TTLL10: variants seen among roughly 807,000 people sequenced by gnomAD.
TTLL10 encodes tubulin tyrosine ligase like 10.
A neutral mutation model predicts 69.0 loss-of-function variants in TTLL10; 61 were observed. The observed-to-expected ratio is 0.88, with a 90% CI of 0.72 to 1.09. The LOEUF is 1.09. Ranked by LOEUF, TTLL10 falls within the 50% of genes least tolerant of loss-of-function variation. The probability of loss-of-function intolerance (pLI) is 0.00; values close to 1 mark genes in which losing one functional copy is unlikely to be tolerated. For synonymous variants in TTLL10, 408 were observed against 393.3 expected (o/e 1.04, Z -0.44); for missense variants, 962 against 945.9 (o/e 1.02, Z -0.22).
At position 1,185,503 on chromosome 1, in the gene TTLL10, G is replaced by A. The variant is rs1401852215; in HGVS notation, c.1401+394G>A. The A allele has an allele frequency of 1.4e-5, 15 of 1,064,220 alleles. No homozygotes were observed. Among genetic ancestry groups the A allele is most frequent in the Middle Eastern group, 4.3e-4 (1 of 2,314 alleles). The allele number at this position is 1,064,220 out of a possible 1,614,324, so 65.9% of individuals were successfully genotyped here. On this transcript the variant is annotated intron_variant, in intron 13 of 15. Coordinates refer to ENST00000379289, the MANE Select transcript of TTLL10 (RefSeq NM_001130045.2). The surrounding 1 kb of genome is among the most constrained non-coding windows in gnomAD (Gnocchi z 6.1). Reference sequence around the variant, plus strand: ...TGTCCTGGAGCAGCAGCAGCTGCCCGTGCAGGCCCGGACTCTCCCTAGCTA... The same window carrying A: ...TGTCCTGGAGCAGCAGCAGCTGCCCATGCAGGCCCGGACTCTCCCTAGCTA...
At chr1:1,176,635 A>C (rs1420306457) in intron 3 of TTLL10, among the ~76,000 whole-genome samples, 1 of 152,090 alleles carries the variant, frequency 6.6e-6, no homozygotes, top group Non-Finnish European at 1.5e-5. Flanking sequence ...GGAAGGCTGG[A>C]GGGCTGCTAG....
Position 1,179,308 on chromosome 1 carries a change from G to A in TTLL10, c.93G>A (p.Gln31=). Residue 31 remains glutamine, a synonymous_variant, in exon 4 of 16, where the codon CAG becomes CAA. Coordinates refer to ENST00000379289, the MANE Select transcript of TTLL10 (RefSeq NM_001130045.2). ...GFKRGKRPRI[Q]QRPRARVSGT... ...AGAGGGGCAAGAGGCCAAGGATCCA[G>A]CAGAGGCCTCGGGCTCGAGTCTCAG... 1.3e-6 allele frequency: 2 copies of A among 1,551,254 alleles called. No individual in the cohort carries two copies. The highest frequency in any genetic ancestry group is 1.7e-6 in the Non-Finnish European group (2 of 1,146,856).
rs2100926482 is a variant in TTLL10 at position 1,196,639 on chromosome 1, GC to G, written c.1443del (p.Lys482SerfsTer19). 1 of 1,551,820 alleles carries G rather than the reference GC, an allele frequency of 6.4e-7. No homozygotes were observed. Among genetic ancestry groups the G allele is most frequent in the African/African-American group, 1.4e-5 (1 of 73,156 alleles). On this transcript the variant is annotated frameshift_variant, in exon 14 of 16. Coordinates refer to ENST00000379289, the MANE Select transcript of TTLL10 (RefSeq NM_001130045.2). LOFTEE classifies it high-confidence loss of function. The stretch of plus-strand genomic sequence containing the variant: ...GATCATGGCCCACTGCTTTCTGGCC[GC>G]CAAGCCCAAGCTGGACTGCAAGCTG... ...QQIMAHCFLA[A>X]KPKLDCKLGY...
intron 13 of TTLL10, among the ~76,000 whole-genome samples, chr1:1,191,137 T>A (rs531060491): frequency 2.6e-5 from 4 of 152,384 alleles, no homozygotes; most frequent in Admixed American, 2.6e-4. Context: ...ATTTTAAATT[T>A]CCTTTGTAAG....
At position 1,182,834 on chromosome 1, in the gene TTLL10, G is replaced by A. The variant is rs950494106; in HGVS notation, c.917-42G>A. ...TCGGGCCCTAGGAGGGGCGTGGCTG[G>A]GTTGGGGGCGAGGCCAGGGGCTCAG... On this transcript the variant is annotated intron_variant, in intron 10 of 15. Transcript: ENST00000379289. The A allele has an allele frequency of 8.6e-6, 13 of 1,515,928 alleles. No homozygotes were observed. In the African/African-American group the frequency reaches 1.8e-4, roughly 21 times the overall value. The allele number at this position is 1,515,928 out of a possible 1,614,324, so 93.9% of individuals were successfully genotyped here.
chr1:1,176,382 G>C (rs559450399), intron 3 of TTLL10: 6 of 455,632 alleles, frequency 1.3e-5, no homozygotes, highest in South Asian at 7.8e-5. Flanking sequence ...GGCTGACGCT[G>C]TACAGCTGGA....
intron 12 of TTLL10, 75 bp from the exon 13 acceptor site, chr1:1,184,894 T>A: frequency 1.9e-6 from 1 of 525,504 alleles, no homozygotes; most frequent in South Asian, 2.4e-5. Flanking sequence ...AGGGGGATGT[T>A]CTCTTGGGGA....
rs566976676 is a variant in TTLL10, at chr1:1,197,562, G to C, written c.1737G>C (p.Ser579=). Residue 579 remains serine, a synonymous_variant, in exon 16 of 16, where the codon TCG becomes TCC. Transcript: ENST00000379289. Reference sequence around the variant, plus strand: ...ACCCGCGGCCGCACCTGGGGGGCTCGTGCAGCCTCCGCCGCTGGCCGCCCC... The same window carrying C: ...ACCCGCGGCCGCACCTGGGGGGCTCCTGCAGCCTCCGCCGCTGGCCGCCCC... ...EADPRPHLGG[S]CSLRRWPPLP... is the part of the protein sequence containing the mutation. 4 of 1,517,048 alleles carry C rather than the reference G, an allele frequency of 2.6e-6. No individual in the cohort carries two copies. The highest frequency in any genetic ancestry group is 2.1e-5 in the Admixed American group (1 of 47,262). The allele number at this position is 1,517,048 out of a possible 1,614,324, so 94.0% of individuals were successfully genotyped here. A position where few individuals can be genotyped will look rare whatever the true frequency, so the allele number is the denominator to read the frequency against.
intron 13 of TTLL10, among the ~76,000 whole-genome samples, chr1:1,187,037 A>G (rs938393319): frequency 5.3e-5 from 8 of 150,974 alleles, no homozygotes; most frequent in South Asian, 4.2e-4. Context: ...TAGTAGAGAC[A>G]GGGTTTCACC....
chr1:1,176,171 G>C (rs1201079900), intron 3 of TTLL10: 1 of 451,272 alleles, frequency 2.2e-6, no homozygotes, highest in East Asian at 7.0e-5. Context: ...ACGCTGTGCA[G>C]GTGGAGAGAG....
Position 1,181,667 on chromosome 1 carries a change from T to C in TTLL10, c.756-74T>C. 1 of 1,352,952 alleles carries C rather than the reference T, an allele frequency of 7.4e-7. No homozygotes were observed. The highest frequency in any genetic ancestry group is 1.0e-6 in the Non-Finnish European group (1 of 979,980). 83.8% of individuals were successfully genotyped at this position (1,352,952 alleles called of 1,614,324 possible). ...CCGCCCACTCACCACCCATGCCCCA[T>C]CCCCCAGTCCCCACCCGCTCCAAGC... On this transcript the variant is annotated intron_variant, in intron 8 of 15. Transcript: ENST00000379289. The surrounding 1 kb of genome is among the most constrained non-coding windows in gnomAD (Gnocchi z 4.6).
At position 1,196,713 on chromosome 1, in the gene TTLL10, C is replaced by A; in HGVS notation, c.1515C>A (p.Phe505Leu). 6.5e-7 allele frequency: 1 copy of A among 1,549,028 alleles called. No individual in the cohort carries two copies. Among genetic ancestry groups the A allele is most frequent in the South Asian group, 1.2e-5 (1 of 84,006 alleles). Residue 505 changes from phenylalanine (F) to leucine (L), a missense_variant, in exon 14 of 16, where the codon TTC becomes TTA. Physicochemically the swap from Phe to Leu is conservative, Grantham distance 22. Transcript: ENST00000379289. ...IGCDFLIDDN[F>L]KVWLLEMNSN... Reference sequence around the variant, plus strand: ...GTGACTTCCTGATTGATGACAACTTCAAGGTGCTGTCCTGGGCGGCGGGGG... The same window carrying A: ...GTGACTTCCTGATTGATGACAACTTAAAGGTGCTGTCCTGGGCGGCGGGGG...
At position 1,184,085 on chromosome 1, in the gene TTLL10, C is replaced by T; in HGVS notation, c.1254C>T (p.Thr418=). The change falls in exon 12 of 16, where the codon ACC becomes ACT. Residue 418 remains threonine (T), a synonymous_variant. Transcript: ENST00000379289. ...CCAGCGACCTCGGCGGCCACTTGAC[C>T]AACCAGGTGAGTCTGCCATGGGTGA... ...PHSSDLGGHL[T]NQFMQKKSPL... 1 of 1,614,200 alleles carries T rather than the reference C, an allele frequency of 6.2e-7. No homozygotes were observed. The highest frequency in any genetic ancestry group is 8.5e-7 in the Non-Finnish European group (1 of 1,180,022).
chr1:1,186,559 T>A (rs1209624406), intron 13 of TTLL10, among the ~76,000 whole-genome samples: 1 of 152,170 alleles, frequency 6.6e-6, no homozygotes, highest in African/African-American at 2.4e-5. Context: ...TACCCAGGAA[T>A]GGAGTCGTGG....
Position 1,184,102 on chromosome 1 carries a change from CA to C in TTLL10, c.1260+12del. The C allele has an allele frequency of 6.2e-7, 1 of 1,614,132 alleles. No homozygotes were observed. Among genetic ancestry groups the C allele is most frequent in the Non-Finnish European group, 8.5e-7 (1 of 1,180,000 alleles). ...CACTTGACCAACCAGGTGAGTCTGC[CA>C]TGGGTGAGGGCCCTCCCTGCAGCCT... On this transcript the variant is annotated intron_variant, in intron 12 of 15. Coordinates refer to ENST00000379289, the MANE Select transcript of TTLL10 (RefSeq NM_001130045.2).
In TTLL10 at chr1:1,173,986, C is replaced by T. The variant is rs1382902721; in HGVS notation, c.-131+60C>T. Reference sequence around the variant, plus strand: ...GTGGGCTCGGCCCCGCCCTCCTACGCCCTGCCTGCGGGTCCCCTCGGGAGG... The same window carrying T: ...GTGGGCTCGGCCCCGCCCTCCTACGTCCTGCCTGCGGGTCCCCTCGGGAGG... On this transcript the variant is annotated intron_variant, in intron 1 of 15. Coordinates refer to ENST00000379289, the MANE Select transcript of TTLL10 (RefSeq NM_001130045.2). The surrounding 1 kb of genome is among the most constrained non-coding windows in gnomAD (Gnocchi z 4.1). 1 of 152,456 alleles carries T rather than the reference C, an allele frequency of 6.6e-6. No individual in the cohort carries two copies. The highest frequency in any genetic ancestry group is 1.5e-5 in the Non-Finnish European group (1 of 68,226). 9.4% of individuals were successfully genotyped at this position (152,456 alleles called of 1,614,324 possible).
At chr1:1,178,410 A>C (rs1646938074) in intron 3 of TTLL10, among the ~76,000 whole-genome samples, 1 of 152,008 alleles carries the variant, frequency 6.6e-6, no homozygotes, top group Non-Finnish European at 1.5e-5. Flanking sequence ...AAATACAAAA[A>C]GTTAGCTGGG....
chr1:1,192,049 T>A (rs955085870), intron 13 of TTLL10, among the ~76,000 whole-genome samples: 4 of 152,264 alleles, frequency 2.6e-5, no homozygotes, highest in African/African-American at 9.6e-5. Context: ...AGAGATTTGT[T>A]TATGGCCAGT....
chr1:1,173,996 G>A lies in TTLL10; in HGVS notation c.-131+70G>A, dbSNP rs5010604. On this transcript the variant is annotated intron_variant, in intron 1 of 15. Transcript: ENST00000379289. The surrounding 1 kb of genome is among the most constrained non-coding windows in gnomAD (Gnocchi z 4.1). ...CCCCGCCCTCCTACGCCCTGCCTGC[G>A]GGTCCCCTCGGGAGGCTGCTCAGGA... The A allele has an allele frequency of 0.095, 14,501 of 152,450 alleles. 901 individuals are homozygous for A. Among genetic ancestry groups the A allele is most frequent in the African/African-American group, 0.17 (7,145 of 41,548 alleles). 9.4% of individuals were successfully genotyped at this position (152,450 alleles called of 1,614,324 possible). A position where few individuals can be genotyped will look rare whatever the true frequency, so the allele number is the denominator to read the frequency against.
Sources: gnomAD v4.1 joint callset for allele counts (sites outside exome capture counted in the v4.1 genomes callset) on GRCh38, gnomAD v4.1.1 for gene constraint, Gnocchi (gnomAD v3.1) non-coding constraint, MANE v1.5 for transcripts, NCBI Gene and HGNC (gene_info 2026-07-23, HGNC 2026-07-21) for gene names.